The following GPC5 variants were observed in gnomAD, a reference collection of about 807,000 sequenced individuals.
The protein encoded by GPC5 is glypican-5.
A neutral mutation model predicts 53.9 loss-of-function variants in GPC5; 47 were observed. The observed-to-expected ratio is 0.87, with a 90% CI of 0.69 to 1.11. The LOEUF (loss-of-function observed/expected upper bound fraction) is 1.11, where lower values mean the gene tolerates loss of function less well. GPC5 is among the 50% of genes most tolerant of loss of function. The probability of loss-of-function intolerance (pLI) is 0.00; values close to 1 mark genes in which losing one functional copy is unlikely to be tolerated. For missense variants in GPC5, 748 were observed against 713.1 expected, an observed-to-expected ratio of 1.05 and a Z score of -0.56; for synonymous variants, 286 against 263.3, an observed-to-expected ratio of 1.09 and a Z score of -0.84.
intron 2 of GPC5, among the ~76,000 whole-genome samples, chr13:91,666,154 A>C (rs1052227057): frequency 6.6e-6 from 1 of 152,222 alleles, no homozygotes; most frequent in African/African-American, 2.4e-5. Context: ...TCTGAAGGCC[A>C]CTTCCACATA....
chr13:92,559,557 C>A (rs1882625229), intron 7 of GPC5, among the ~76,000 whole-genome samples: 2 of 151,588 alleles, frequency 1.3e-5, no homozygotes, highest in Admixed American at 1.3e-4. Flanking sequence ...CTATCTGGCT[C>A]TTACACTCCA....
intron 7 of GPC5, among the ~76,000 whole-genome samples, chr13:92,477,058 T>A (rs1371376571): frequency 4.2e-5 from 3 of 70,826 alleles, no homozygotes; most frequent in Non-Finnish European, 6.0e-5. Context: ...AAAAAATAAA[T>A]AAATAAATAA....
chr13:92,191,513 A>G (rs1576615), intron 7 of GPC5, among the ~76,000 whole-genome samples: 21,952 of 152,160 alleles, frequency 0.14, 2,143 homozygotes, highest in Middle Eastern at 0.29. Flanking sequence ...TGTTCCATCA[A>G]TTGCACTACC....
intron 7 of GPC5, among the ~76,000 whole-genome samples, chr13:92,553,796 A>G (rs561657828): frequency 6.6e-6 from 1 of 152,104 alleles, no homozygotes; most frequent in African/African-American, 2.4e-5. Flanking sequence ...TATGTGGGTC[A>G]CAGCCTAAGT....
At chr13:92,802,156 C>T (rs1876929657) in intron 7 of GPC5, among the ~76,000 whole-genome samples, 1 of 151,718 alleles carries the variant, frequency 6.6e-6, no homozygotes, top group Non-Finnish European at 1.5e-5. Flanking sequence ...TGTACCTTTA[C>T]TATGTTGAGA....
At chr13:92,112,047 G>A (rs1372107764) in intron 6 of GPC5, among the ~76,000 whole-genome samples, 2 of 152,132 alleles carry the variant, frequency 1.3e-5, no homozygotes, top group East Asian at 3.9e-4. Flanking sequence ...ATCAATGAAG[G>A]CAATAGCCTA....
At position 92,471,672 on chromosome 13, in the gene GPC5, G is replaced by A. The variant is rs189625016; in HGVS notation, c.1561+326683G>A. Among the ~76,000 whole-genome samples, 460 of 152,160 alleles carry A rather than the reference G, an allele frequency of 3.0e-3. 5 individuals carry two copies. The highest frequency in any genetic ancestry group is 0.01 in the African/African-American group (431 of 41,512). The stretch of plus-strand genomic sequence containing the variant: ...GAGGGAGAGAGAATGAGAGTAATTA[G>A]GAGAATTTCAAGGAGTTGCAGGCGC... On this transcript the variant is annotated intron_variant, in intron 7 of 7. Transcript: ENST00000377067.
rs186133559 is a variant in GPC5, at chr13:92,331,038, A to G, written c.1561+186049A>G. Among the ~76,000 whole-genome samples, 399 of 152,304 alleles carry G rather than the reference A, an allele frequency of 2.6e-3. 1 individual carries two copies. Among genetic ancestry groups the G allele is most frequent in the African/African-American group, 9.2e-3 (384 of 41,580 alleles). ...TTACTGATCCCATCATTTCAAATTC[A>G]TCTTAGGGAATTTAACAAGAAAAGG... On this transcript the variant is annotated intron_variant, in intron 7 of 7. Transcript: ENST00000377067.
At chr13:92,206,882 C>T (rs1439865679) in intron 7 of GPC5, among the ~76,000 whole-genome samples, 1 of 152,088 alleles carries the variant, frequency 6.6e-6, no homozygotes, top group African/African-American at 2.4e-5. Flanking sequence ...TGCTGGTTTA[C>T]ATTTAACCTT....
At chr13:91,907,323 A>T in intron 5 of GPC5, among the ~76,000 whole-genome samples, 1 of 147,914 alleles carries the variant, frequency 6.8e-6, no homozygotes, top group Admixed American at 6.8e-5. Flanking sequence ...TCCAATTGAT[A>T]TTATCATTAT....
In GPC5 at chr13:91,571,824, T is replaced by TGTATACACACAC. The variant is rs1566515511; in HGVS notation, c.326-121363_326-121362insGTATACACACAC. Among the ~76,000 whole-genome samples the TGTATACACACAC allele has an allele frequency of 6.2e-3, 512 of 82,078 alleles. 41 individuals carry two copies. Among genetic ancestry groups the TGTATACACACAC allele is most frequent in the Middle Eastern group, 8.3e-3 (1 of 120 alleles). The allele number at this position is 82,078 out of a possible 152,430, so 53.8% of individuals were successfully genotyped here. On this transcript the variant is annotated intron_variant, in intron 2 of 7. Transcript: ENST00000377067. ...ATATACACACACATACGTGTGTGTA[T>TGTATACACACAC]ATATACACATATACTTGTGTGTATA...
At chr13:91,432,770 T>G (rs1879599336) in intron 1 of GPC5, among the ~76,000 whole-genome samples, 1 of 152,336 alleles carries the variant, frequency 6.6e-6, no homozygotes, top group South Asian at 2.1e-4. Context: ...AGTATATTGT[T>G]AAGGAAAAAT....
chr13:91,542,736 C>G (rs990145136), intron 2 of GPC5, among the ~76,000 whole-genome samples: 1 of 151,932 alleles, frequency 6.6e-6, no homozygotes, highest in Non-Finnish European at 1.5e-5. Flanking sequence ...CAGGCTAACA[C>G]GCAATGGCGC....
At chr13:91,942,892 A>G (rs749949264) in intron 6 of GPC5, among the ~76,000 whole-genome samples, 33 of 152,146 alleles carry the variant, frequency 2.2e-4, no homozygotes, top group Non-Finnish European at 4.1e-4. Flanking sequence ...AACCATCCAT[A>G]TACATATTTA....
chr13:91,756,215 T>TATAC (rs2037288380), intron 4 of GPC5, 80 bp from the exon 5 acceptor site: 11 of 1,024,746 alleles, frequency 1.1e-5, no homozygotes, highest in Non-Finnish European at 1.5e-5. Context: ...CTAAACATTA[T>TATAC]GTATAACAAT....
chr13:92,821,757 ATCAGT>A (rs1339433109), intron 7 of GPC5, among the ~76,000 whole-genome samples: 1 of 152,164 alleles, frequency 6.6e-6, no homozygotes, highest in Non-Finnish European at 1.5e-5. Flanking sequence ...AGTTCTATAT[ATCAGT>A]TAACTTTTGT....
intron 7 of GPC5, among the ~76,000 whole-genome samples, chr13:92,148,535 C>A (rs1016141333): frequency 1.3e-5 from 2 of 152,086 alleles, no homozygotes; most frequent in Admixed American, 6.6e-5. Flanking sequence ...ATGTAATTTT[C>A]ACTCTTAAGT....
chr13:92,455,692 A>G (rs1338333670), intron 7 of GPC5, among the ~76,000 whole-genome samples: 2 of 152,236 alleles, frequency 1.3e-5, no homozygotes, highest in African/African-American at 4.8e-5. Context: ...AAACACTTTT[A>G]CTTCTGAAAC....
At chr13:92,177,569 T>C (rs2042117577) in intron 7 of GPC5, among the ~76,000 whole-genome samples, 1 of 152,204 alleles carries the variant, frequency 6.6e-6, no homozygotes, top group South Asian at 2.1e-4. Context: ...TAGTATGTTT[T>C]TTGTGTTCTT....
Sources: allele counts gnomAD v4.1 joint callset (sites outside exome capture counted in the v4.1 genomes callset), GRCh38; gene constraint gnomAD v4.1.1; transcripts MANE v1.5; gene names NCBI Gene and HGNC (gene_info 2026-07-23, HGNC 2026-07-21).